KL: variants seen among roughly 807,000 people sequenced by gnomAD.
KL encodes the protein alpha-klotho.
Under a neutral mutation model 84.2 loss-of-function variants are expected in KL, and 62 were observed. That is an observed-to-expected ratio of 0.74 (90% CI 0.60 to 0.91). The LOEUF (loss-of-function observed/expected upper bound fraction) is 0.91, where lower values mean the gene tolerates loss of function less well. Ranked by LOEUF, KL falls within the 40% of genes least tolerant of loss-of-function variation. The probability of loss-of-function intolerance (pLI) is 0.00; values close to 1 mark genes in which losing one functional copy is unlikely to be tolerated. For missense variants in KL, 1,261 were observed against 1,305.7 expected (o/e 0.97, Z 0.53); for synonymous variants, 528 against 528.0 (o/e 1.00, Z 0.00).
chr13:33,042,784 C>G (rs373141753), intron 1 of KL, among the ~76,000 whole-genome samples: 1 of 152,064 alleles, frequency 6.6e-6, no homozygotes, highest in African/African-American at 2.4e-5. Flanking sequence ...TGGGTCCAAG[C>G]GATTCTCCTG....
chr13:33,022,313 C>G (rs188575491), intron 1 of KL, among the ~76,000 whole-genome samples: 3 of 152,250 alleles, frequency 2.0e-5, no homozygotes, highest in East Asian at 1.9e-4. Flanking sequence ...TATCATTGCT[C>G]TAAACTAGAA....
intron 1 of KL, among the ~76,000 whole-genome samples, chr13:33,041,310 T>C (rs1238624591): frequency 6.6e-6 from 1 of 151,760 alleles, no homozygotes; most frequent in Non-Finnish European, 1.5e-5. Context: ...CTCCTGTAAA[T>C]GGACATTTAT....
intron 2 of KL, among the ~76,000 whole-genome samples, chr13:33,054,801 G>T (rs549286146): frequency 6.6e-6 from 1 of 152,196 alleles, no homozygotes; most frequent in East Asian, 1.9e-4. Context: ...TATAAATAAG[G>T]AACTATTTTT....
chr13:33,063,147 C>A (rs887364943), intron 4 of KL, among the ~76,000 whole-genome samples: 2 of 151,748 alleles, frequency 1.3e-5, no homozygotes, highest in Non-Finnish European at 2.9e-5. Context: ...GGAAAAACAA[C>A]TGAAGTGACC....
At chr13:33,051,115 A>G (rs1028858301) in intron 1 of KL, among the ~76,000 whole-genome samples, 1 of 152,142 alleles carries the variant, frequency 6.6e-6, no homozygotes, top group African/African-American at 2.4e-5. Flanking sequence ...ATTCATGGAG[A>G]TCCTACTGTT....
intron 1 of KL, among the ~76,000 whole-genome samples, chr13:33,028,142 T>C (rs1319375688): frequency 6.6e-6 from 1 of 152,172 alleles, no homozygotes; most frequent in African/African-American, 2.4e-5. Context: ...TCCCCTGCCA[T>C]GTTTAGTCAT....
intron 1 of KL, among the ~76,000 whole-genome samples, chr13:33,028,907 T>C (rs897686767): frequency 6.6e-6 from 1 of 152,192 alleles, no homozygotes; most frequent in African/African-American, 2.4e-5. Flanking sequence ...TCTAGCATAA[T>C]AGGAAGTCAG....
chr13:33,033,961 A>C (rs1871070259), intron 1 of KL, among the ~76,000 whole-genome samples: 1 of 152,090 alleles, frequency 6.6e-6, no homozygotes. Flanking sequence ...ATGAACACAC[A>C]CCCTCAGATT....
chr13:33,026,688 C>A (rs1054507365), intron 1 of KL, among the ~76,000 whole-genome samples: 26 of 152,230 alleles, frequency 1.7e-4, no homozygotes, highest in African/African-American at 6.3e-4. Flanking sequence ...TGGGTGGCAA[C>A]AAGCCCAGCT....
At chr13:33,048,154 A>C (rs2772367) in intron 1 of KL, among the ~76,000 whole-genome samples, 101,045 of 151,666 alleles carry the variant, frequency 0.67, 34,107 homozygotes, top group Admixed American at 0.76. Context: ...TAAGGGTTTC[A>C]TTTTCCTGCT....
chr13:33,017,503 A>G (rs1007261663), intron 1 of KL, among the ~76,000 whole-genome samples: 1 of 152,190 alleles, frequency 6.6e-6, no homozygotes, highest in Admixed American at 6.5e-5. Context: ...GGAAGCGGTG[A>G]TAGGTTTCCG....
rs138004650 is a variant in KL, at chr13:33,061,710, C to T, written c.2631C>T (p.Asp877=). Residue 877 remains aspartate, a synonymous_variant, in exon 4 of 5, where the codon GAC becomes GAT. Transcript: ENST00000380099. ...ACATAATATCCAATGGAATCGATGACGGGCTGCATGCTGAGGACGACCAGC... is the reference window on the plus strand; with the variant it reads ...ACATAATATCCAATGGAATCGATGATGGGCTGCATGCTGAGGACGACCAGC... The part of the protein sequence containing the change: ...PMYIISNGID[D]GLHAEDDQLR... 168 of 1,613,652 alleles carry T rather than the reference C, an allele frequency of 1.0e-4. No individual in the cohort carries two copies. The highest frequency in any genetic ancestry group is 7.2e-4 in the African/African-American group (54 of 74,858).
intron 1 of KL, among the ~76,000 whole-genome samples, chr13:33,025,215 A>T (rs1870725926): frequency 6.6e-6 from 1 of 152,100 alleles, no homozygotes; most frequent in Non-Finnish European, 1.5e-5. Context: ...CGTTTTGGGG[A>T]GGTAGTACGG....
Position 33,055,241 on chromosome 13 carries a change from T to G in KL, c.1525T>G (p.Leu509Val). 1.2e-6 allele frequency: 2 copies of G among 1,614,224 alleles called. No homozygotes were observed. The highest frequency in any genetic ancestry group is 1.7e-6 in the Non-Finnish European group (2 of 1,180,028). Residue 509 changes from leucine to valine, a missense_variant, in exon 3 of 5, where the codon TTA becomes GTA. Coordinates refer to ENST00000380099, the MANE Select transcript of KL (RefSeq NM_004795.4). ...GATAGAGAAAAATGGCTTCCCTCCT[T>G]TACCTGAAAATCAGCCCCTAGAAGG... Reference protein sequence around the residue: ...KLIEKNGFPPLPENQPLEGTF... With the variant: ...KLIEKNGFPPVPENQPLEGTF...
chr13:33,054,018 A>C lies in KL; in HGVS notation c.1071A>C (p.Lys357Asn). 6.2e-7 allele frequency: 1 copy of C among 1,613,144 alleles called. No homozygotes were observed. Among genetic ancestry groups the C allele is most frequent in the Admixed American group, 1.7e-5 (1 of 59,970 alleles). ...SILPDFTESE[K>N]KFIKGTADFF... ...TGCCTGATTTTACTGAATCTGAGAA[A>C]AAGTTCATCAAAGGAACTGCTGACT... is the stretch of plus-strand genomic sequence containing the variant. The change falls in exon 2 of 5, where the codon AAA becomes AAC. Residue 357 changes from lysine (K) to asparagine (N), a missense_variant. By Grantham distance (94) the Lys-to-Asn change is moderately conservative. Transcript: ENST00000380099.
chr13:33,025,142 A>C (rs983143517), intron 1 of KL, among the ~76,000 whole-genome samples: 1 of 152,214 alleles, frequency 6.6e-6, no homozygotes, highest in Admixed American at 6.5e-5. Flanking sequence ...AAAATGTATA[A>C]ATGCCTTAAG....
chr13:33,061,592 G>C lies in KL; in HGVS notation c.2513G>C (p.Trp838Ser), dbSNP rs199812311. Residue 838 changes from tryptophan (W) to serine (S), a missense_variant, in exon 4 of 5, where the codon TGG becomes TCG. Physicochemically the swap from Trp to Ser is radical, Grantham distance 177 (BLOSUM62 -3). Transcript: ENST00000380099. ...GTGCAAGAAATGACCGACATCACGT[G>C]GCTCAACTCCCCCAGTCAGGTGGCG... The part of the protein sequence containing the change: ...LEVQEMTDIT[W>S]LNSPSQVAVV... 10 of 1,614,180 alleles carry C rather than the reference G, an allele frequency of 6.2e-6. No individual in the cohort carries two copies. In the Admixed American group the frequency reaches 1.3e-4, roughly 22 times the overall value.
intron 1 of KL, among the ~76,000 whole-genome samples, chr13:33,028,841 T>C (rs1055842266): frequency 9.8e-5 from 15 of 152,380 alleles, no homozygotes; most frequent in Admixed American, 9.8e-4. Context: ...CAAATGTCGG[T>C]TAAACCCAAA....
chr13:33,047,563 C>T (rs1871583593), intron 1 of KL, among the ~76,000 whole-genome samples: 2 of 152,178 alleles, frequency 1.3e-5, no homozygotes, highest in African/African-American at 4.8e-5. Flanking sequence ...CTCCTGACCT[C>T]GTGATCCACC....
Sources: allele counts gnomAD v4.1 joint callset (sites outside exome capture counted in the v4.1 genomes callset), GRCh38; gene constraint gnomAD v4.1.1; transcripts MANE v1.5; gene names NCBI Gene and HGNC (gene_info 2026-07-23, HGNC 2026-07-21).